ERC1: variants seen among roughly 807,000 people sequenced by gnomAD.
ERC1 encodes the protein RAB6 interacting protein 2.
In ERC1, 56 loss-of-function variants were observed where a neutral mutation model predicts 132.0. The ratio of observed to expected loss-of-function variants is 0.42; its 90% CI spans 0.34 to 0.53. ERC1 has a LOEUF of 0.53. Among genes scored for constraint, ERC1 ranks in the 20% least tolerant of loss-of-function variants. ERC1 has a pLI of 0.03. For missense variants in ERC1, 1,202 were observed against 1,349.9 expected (o/e 0.89, Z 1.72); for synonymous variants, 478 against 476.1 (o/e 1.00, Z -0.05).
chr12:1,316,046 G>A (rs949517834), intron 15 of ERC1, among the ~76,000 whole-genome samples: 2 of 151,924 alleles, frequency 1.3e-5, no homozygotes, highest in African/African-American at 4.8e-5. Context: ...ATGCCATCAC[G>A]CCCGACTAAT....
intron 18 of ERC1, among the ~76,000 whole-genome samples, chr12:1,445,353 C>T (rs1227631714): frequency 1.3e-5 from 2 of 151,184 alleles, no homozygotes; most frequent in Non-Finnish European, 2.9e-5. Context: ...CCTCAGCCTT[C>T]CGGGTAGCTG....
intron 16 of ERC1, among the ~76,000 whole-genome samples, chr12:1,388,358 A>AAAG (rs1467251802): frequency 6.6e-6 from 1 of 151,732 alleles, no homozygotes; most frequent in Non-Finnish European, 1.5e-5. Context: ...AAAAAAAAAA[A>AAAG]AAAAAAAAAA....
At position 1,218,110 on chromosome 12, in the gene ERC1, A is replaced by G. The variant is rs561824262; in HGVS notation, c.2352-18659A>G. ...TCTGCAAATCCTTCGCCTCCACTCA[A>G]AGTTTCTGGCTTCACTTGATATTTC... is the stretch of plus-strand genomic sequence containing the variant. On this transcript the variant is annotated intron_variant, in intron 12 of 18. Coordinates refer to ENST00000360905, the MANE Select transcript of ERC1 (RefSeq NM_178040.4). Among the ~76,000 whole-genome samples, 24 of 152,232 alleles carry G rather than the reference A, an allele frequency of 1.6e-4. 1 individual carries two copies. The highest frequency in any genetic ancestry group is 5.1e-4 in the African/African-American group (21 of 41,530).
chr12:1,326,426 C>A (rs1158711381), intron 15 of ERC1, among the ~76,000 whole-genome samples: 1 of 152,146 alleles, frequency 6.6e-6, no homozygotes, highest in East Asian at 1.9e-4. Context: ...CAAAGCTCAC[C>A]CTTTGAAGCA....
At chr12:1,214,205 A>G (rs970977894) in intron 12 of ERC1, among the ~76,000 whole-genome samples, 1 of 152,142 alleles carries the variant, frequency 6.6e-6, no homozygotes, top group Non-Finnish European at 1.5e-5. Context: ...TTTGCTTATA[A>G]TTTCTATAGT....
At chr12:1,096,006 G>T (rs918859320) in intron 3 of ERC1, among the ~76,000 whole-genome samples, 1 of 151,404 alleles carries the variant, frequency 6.6e-6, no homozygotes, top group Non-Finnish European at 1.5e-5. Flanking sequence ...GCTCATTGCG[G>T]CCTCCACCTC....
chr12:1,294,186 A>G (rs981643455), intron 15 of ERC1, among the ~76,000 whole-genome samples: 2 of 152,210 alleles, frequency 1.3e-5, no homozygotes, highest in African/African-American at 2.4e-5. Context: ...CACCCTATAG[A>G]CATTTCTTTA....
intron 18 of ERC1, among the ~76,000 whole-genome samples, chr12:1,471,467 A>G (rs2093860017): frequency 6.6e-6 from 1 of 152,262 alleles, no homozygotes; most frequent in South Asian, 2.1e-4. Context: ...CGAATACAAA[A>G]TATAATCATC....
chr12:1,443,443 T>TTG (rs1337151022), intron 17 of ERC1: 2 of 152,230 alleles, frequency 1.3e-5, no homozygotes, highest in Non-Finnish European at 2.9e-5. Flanking sequence ...TTCTGTTGAC[T>TTG]TGAAGATTAT....
At chr12:1,416,943 C>T (rs967987163) in intron 17 of ERC1, among the ~76,000 whole-genome samples, 2 of 152,056 alleles carry the variant, frequency 1.3e-5, no homozygotes, top group African/African-American at 2.4e-5. Flanking sequence ...CTGCTTTTAT[C>T]GTTCCCCTCC....
At chr12:1,474,932 G>A (rs1474745741) in intron 18 of ERC1, among the ~76,000 whole-genome samples, 1 of 152,180 alleles carries the variant, frequency 6.6e-6, no homozygotes, top group Non-Finnish European at 1.5e-5. Flanking sequence ...GTTGCTTTGA[G>A]CATTCAGATT....
intron 8 of ERC1, among the ~76,000 whole-genome samples, chr12:1,173,546 A>G (rs1953321484): frequency 1.3e-5 from 2 of 152,188 alleles, no homozygotes; most frequent in African/African-American, 4.8e-5. Context: ...TAATGGATCC[A>G]GTTTTTCTCT....
At chr12:1,193,821 A>G (rs1226463923) in intron 12 of ERC1, among the ~76,000 whole-genome samples, 3 of 152,128 alleles carry the variant, frequency 2.0e-5, no homozygotes, top group Non-Finnish European at 4.4e-5. Context: ...ACTTAATTTG[A>G]TTAGAGGCTT....
chr12:1,346,065 G>T (rs1418234012), intron 15 of ERC1, among the ~76,000 whole-genome samples: 1 of 152,190 alleles, frequency 6.6e-6, no homozygotes, highest in African/African-American at 2.4e-5. Flanking sequence ...ATTGACTTCA[G>T]CCTGCTTTTC....
intron 8 of ERC1, among the ~76,000 whole-genome samples, chr12:1,146,315 T>TTTTTGTTGTTG (rs1950351555): frequency 2.2e-5 from 3 of 138,650 alleles, no homozygotes; most frequent in African/African-American, 8.6e-5. Flanking sequence ...CTGGTTTTTT[T>TTTTTGTTGTTG]TTTTTTTTTT....
intron 3 of ERC1, among the ~76,000 whole-genome samples, chr12:1,083,947 T>A (rs1303929570): frequency 1.3e-5 from 2 of 152,212 alleles, no homozygotes; most frequent in Non-Finnish European, 2.9e-5. Context: ...TTGCTTAATT[T>A]AAAAATATTA....
Position 1,276,373 on chromosome 12 carries a change from G to A in ERC1, c.2619+13208G>A, listed in dbSNP as rs188564581. 2.6e-3 allele frequency among the ~76,000 whole-genome samples: 397 copies of A among 151,976 alleles called. 2 individuals carry two copies. Among genetic ancestry groups the A allele is most frequent in the Middle Eastern group, 0.014 (4 of 294 alleles). ...CTGCCTCAGCCTCCCAAGTAGCTGGGATTACAGGCGCCCGCCACCATGCCC... is the reference window on the plus strand; with the variant it reads ...CTGCCTCAGCCTCCCAAGTAGCTGGAATTACAGGCGCCCGCCACCATGCCC... On this transcript the variant is annotated intron_variant, in intron 14 of 18. Coordinates refer to ENST00000360905, the MANE Select transcript of ERC1 (RefSeq NM_178040.4).
chr12:1,442,879 C>T (rs546813884), intron 17 of ERC1, among the ~76,000 whole-genome samples: 53 of 152,186 alleles, frequency 3.5e-4, no homozygotes, highest in African/African-American at 1.2e-3. Context: ...AGGAAAATTT[C>T]CAAAATGTTA....
At chr12:1,058,814 CGAG>C (rs1231023788) in intron 2 of ERC1, among the ~76,000 whole-genome samples, 1 of 111,020 alleles carries the variant, frequency 9.0e-6, no homozygotes, top group African/African-American at 3.7e-5. Context: ...TTTTAAGAGA[CGAG>C]GTCTTGCTCT....
Sources: allele counts gnomAD v4.1 joint callset (sites outside exome capture counted in the v4.1 genomes callset), GRCh38; gene constraint gnomAD v4.1.1; transcripts MANE v1.5; gene names NCBI Gene and HGNC (gene_info 2026-07-23, HGNC 2026-07-21).